The following C14orf39 variants were observed in gnomAD, a reference collection of about 807,000 sequenced individuals.
C14orf39 encodes chromosome 14 open reading frame 39.
C14orf39 carries 66 observed loss-of-function variants against 85.6 expected under a neutral mutation model. The ratio of observed to expected loss-of-function variants is 0.77; its 90% CI spans 0.63 to 0.95. C14orf39 has a LOEUF of 0.95. Among genes scored for constraint, C14orf39 ranks in the 40% least tolerant of loss-of-function variants. C14orf39 has a pLI of 0.00. For synonymous variants in C14orf39, 242 were observed against 214.0 expected (o/e 1.13, Z -1.14); for missense variants, 735 against 663.9 (o/e 1.11, Z -1.18).
intron 1 of C14orf39, among the ~76,000 whole-genome samples, chr14:60,502,937 C>T (rs1479106354): frequency 6.6e-6 from 1 of 152,204 alleles, no homozygotes; most frequent in Non-Finnish European, 1.5e-5. Flanking sequence ...CCTAAAGAAA[C>T]ATTTATGACA....
intron 13 of C14orf39, among the ~76,000 whole-genome samples, chr14:60,460,052 T>C (rs916535802): frequency 3.3e-5 from 5 of 151,808 alleles, no homozygotes; most frequent in Non-Finnish European, 7.4e-5. Context: ...TTCTATTTGA[T>C]CTTCTGAGAG....
intron 5 of C14orf39, among the ~76,000 whole-genome samples, chr14:60,476,095 G>A (rs540775854): frequency 6.6e-6 from 1 of 152,164 alleles, no homozygotes; most frequent in Non-Finnish European, 1.5e-5. Context: ...CCTTTAGCAA[G>A]GAAAAGCAGT....
intron 8 of C14orf39, 76 bp from the exon 9 acceptor site, chr14:60,468,612 T>G: frequency 1.3e-6 from 1 of 755,718 alleles, no homozygotes; most frequent in African/African-American, 1.8e-5. Context: ...TTATCTTATG[T>G]TTTTTCTATA....
At chr14:60,444,648 T>A (rs1008125985) in intron 16 of C14orf39, among the ~76,000 whole-genome samples, 4 of 152,186 alleles carry the variant, frequency 2.6e-5, no homozygotes, top group African/African-American at 9.7e-5. Context: ...CCAGGAGAAC[T>A]TCCCTAATCT....
chr14:60,482,879 G>GGGGTGTGTGTGTGT (rs71435509), intron 4 of C14orf39, among the ~76,000 whole-genome samples: 1 of 146,644 alleles, frequency 6.8e-6, no homozygotes, highest in Non-Finnish European at 1.5e-5. Context: ...TATATAGACA[G>GGGGTGTGTGTGTGT]GTGTGTGTGT....
chr14:60,445,862 C>G (rs1890740769), intron 16 of C14orf39, among the ~76,000 whole-genome samples: 2 of 152,198 alleles, frequency 1.3e-5, no homozygotes, highest in South Asian at 4.1e-4. Flanking sequence ...AACAAACTGT[C>G]TCTCAGACCA....
At chr14:60,449,218 A>G (rs1173665575) in intron 16 of C14orf39, among the ~76,000 whole-genome samples, 1 of 152,110 alleles carries the variant, frequency 6.6e-6, no homozygotes, top group African/African-American at 2.4e-5. Flanking sequence ...GTATGTAATC[A>G]AACCCAATTA....
At chr14:60,509,531 G>C (rs573299460) in intron 1 of C14orf39, 1 of 1,608,742 alleles carries the variant, frequency 6.2e-7, no homozygotes, top group African/African-American at 1.3e-5. Flanking sequence ...TGCGGCCTGC[G>C]AGGCCCTCAA....
intron 5 of C14orf39, among the ~76,000 whole-genome samples, chr14:60,475,261 T>C (rs1348838947): frequency 1.3e-5 from 2 of 152,188 alleles, no homozygotes; most frequent in African/African-American, 4.8e-5. Flanking sequence ...CTTTATCATC[T>C]TTTATTGCAT....
At chr14:60,510,798 C>T (rs550803074) in intron 1 of C14orf39, among the ~76,000 whole-genome samples, 3 of 152,314 alleles carry the variant, frequency 2.0e-5, no homozygotes, top group African/African-American at 7.2e-5. Context: ...CAAAAGTGCA[C>T]AACAAACAGG....
At chr14:60,487,223 T>C (rs1487143993), upstream of C14orf39, among the ~76,000 whole-genome samples, 2 of 152,196 alleles carry the variant, frequency 1.3e-5, no homozygotes, top group Non-Finnish European at 2.9e-5. Flanking sequence ...CCAGAACTTA[T>C]TCAATCTGCC....
Position 60,471,994 on chromosome 14 carries a change from G to A in C14orf39, c.324-255C>T, listed in dbSNP as rs915549848. ...CTCCTACTCCCACTATTTTAATGAC[G>A]CTATTCTTCCCAAGGTCACCAATGA... is the stretch of plus-strand genomic sequence containing the variant. On this transcript the variant is annotated intron_variant, in intron 5 of 17. Transcript: ENST00000321731. 4.0e-5 allele frequency among the ~76,000 whole-genome samples: 6 copies of A among 151,620 alleles called. No individual in the cohort carries two copies. The East Asian group carries it at 7.7e-4, about 20-fold the overall frequency.
intron 1 of C14orf39, chr14:60,510,103 G>C: frequency 2.5e-6 from 2 of 811,526 alleles, no homozygotes; most frequent in South Asian, 1.5e-5. Context: ...CTTGGGTTAA[G>C]AGCCCTGCGT....
At chr14:60,467,077 G>A in intron 9 of C14orf39, 33 bp from the exon 10 acceptor site, 1 of 1,092,926 alleles carries the variant, frequency 9.1e-7, no homozygotes, top group Non-Finnish European at 1.2e-6. Context: ...TTAAATATTA[G>A]ATAAGTTAAA....
intron 17 of C14orf39, among the ~76,000 whole-genome samples, chr14:60,438,294 T>C (rs1890351967): frequency 6.6e-6 from 1 of 152,110 alleles, no homozygotes; most frequent in South Asian, 2.1e-4. Context: ...TACCAGATAC[T>C]TGTGTTCTTC....
chr14:60,462,199 A>AC (rs1891564631), intron 11 of C14orf39, among the ~76,000 whole-genome samples: 1 of 148,680 alleles, frequency 6.7e-6, no homozygotes, highest in South Asian at 2.1e-4. Context: ...ACATAGTGAG[A>AC]CCCCATCTCT....
chr14:60,442,972 A>G (rs1890591772), intron 16 of C14orf39, among the ~76,000 whole-genome samples: 1 of 152,264 alleles, frequency 6.6e-6, no homozygotes, highest in South Asian at 2.1e-4. Flanking sequence ...ACTATTTGCA[A>G]TCTTATTGCA....
chr14:60,442,745 A>G (rs775335059), intron 16 of C14orf39, among the ~76,000 whole-genome samples: 3 of 152,194 alleles, frequency 2.0e-5, no homozygotes, highest in Non-Finnish European at 4.4e-5. Context: ...TTTTTTATAT[A>G]GAAGTCACAT....
intron 4 of C14orf39, among the ~76,000 whole-genome samples, chr14:60,483,203 T>C (rs944566143): frequency 2.0e-5 from 3 of 152,194 alleles, no homozygotes; most frequent in Non-Finnish European, 2.9e-5. Context: ...ACAATGTCCA[T>C]ATAAAACTAA....
Sources: allele counts gnomAD v4.1 joint callset (sites outside exome capture counted in the v4.1 genomes callset), GRCh38; gene constraint gnomAD v4.1.1; transcripts MANE v1.5; gene names NCBI Gene and HGNC (gene_info 2026-07-23, HGNC 2026-07-21).